The following ATRN variants were observed in gnomAD, a reference collection of about 807,000 sequenced individuals.
ATRN encodes attractin.
A neutral mutation model predicts 178.7 loss-of-function variants in ATRN; 54 were observed. That is an observed-to-expected ratio of 0.30 (90% CI 0.24 to 0.38). ATRN has a LOEUF of 0.38. Among genes scored for constraint, ATRN ranks in the 10% least tolerant of loss-of-function variants. ATRN has a pLI of 1.00. For synonymous variants in ATRN, 636 were observed against 663.0 expected, an observed-to-expected ratio of 0.96 and a Z score of 0.63; for missense variants, 1,443 against 1,815.1, an observed-to-expected ratio of 0.79 and a Z score of 3.73.
At chr20:3,556,265 A>G (rs2085875170) in intron 6 of ATRN, among the ~76,000 whole-genome samples, 1 of 152,222 alleles carries the variant, frequency 6.6e-6, no homozygotes. Flanking sequence ...TGTTTCAGAA[A>G]AATTTTATAG....
At chr20:3,537,732 A>G (rs1168987246) in intron 2 of ATRN, among the ~76,000 whole-genome samples, 2 of 145,986 alleles carry the variant, frequency 1.4e-5, no homozygotes, top group Admixed American at 7.0e-5. Context: ...TCATTGTCCT[A>G]TTCCCACCTA....
chr20:3,495,339 T>G (rs1261335123), intron 1 of ATRN, among the ~76,000 whole-genome samples: 1 of 152,184 alleles, frequency 6.6e-6, no homozygotes, highest in African/African-American at 2.4e-5. Flanking sequence ...GTGGAGCTTT[T>G]AAGGACACCA....
At chr20:3,533,868 G>T (rs566556498) in intron 1 of ATRN, among the ~76,000 whole-genome samples, 27 of 152,214 alleles carry the variant, frequency 1.8e-4, no homozygotes, top group African/African-American at 6.5e-4. Flanking sequence ...GTGTTGGCCA[G>T]CCTGATCTTG....
At chr20:3,560,990 C>T in intron 8 of ATRN, 85 bp downstream of exon 8, 1 of 1,472,612 alleles carries the variant, frequency 6.8e-7, no homozygotes, top group South Asian at 1.2e-5. Context: ...TAGAAAAGTT[C>T]AACCTAATCT....
In ATRN at chr20:3,584,879, A is replaced by G. The variant is rs761425147; in HGVS notation, c.3183A>G (p.Pro1061=). ...SRYNWSFIHC[P]ACQCNGHSKC... is the part of the protein sequence containing the mutation. Reference sequence around the variant, plus strand: ...ACAACTGGTCTTTCATTCACTGTCCAGGTAAGATGCCTTGCATATCCAAAT... The same window carrying G: ...ACAACTGGTCTTTCATTCACTGTCCGGGTAAGATGCCTTGCATATCCAAAT... The change falls in exon 18 of 29, where the codon CCA becomes CCG. Residue 1061 remains proline, a splice_region_variant and synonymous_variant. Transcript: ENST00000262919. 5.0e-6 allele frequency: 8 copies of G among 1,613,160 alleles called. No homozygotes were observed. The East Asian group carries it at 1.8e-4, about 36-fold the overall frequency.
intron 18 of ATRN, among the ~76,000 whole-genome samples, chr20:3,585,733 T>C (rs2086348228): frequency 6.6e-6 from 1 of 152,172 alleles, no homozygotes; most frequent in African/African-American, 2.4e-5. Flanking sequence ...CACGTAACTC[T>C]TAAAACTCAA....
intron 6 of ATRN, 45 bp downstream of exon 6, chr20:3,549,383 T>C: frequency 6.9e-7 from 1 of 1,445,728 alleles, no homozygotes. Flanking sequence ...GTTTTTTATT[T>C]TGAAAATTTA....
intron 4 of ATRN, among the ~76,000 whole-genome samples, chr20:3,546,581 C>G (rs1001350760): frequency 6.6e-6 from 1 of 151,770 alleles, no homozygotes; most frequent in African/African-American, 2.4e-5. Context: ...TTAGTAGAGA[C>G]GGGGTTTCAC....
At chr20:3,607,325 T>C (rs549806873) in intron 24 of ATRN, among the ~76,000 whole-genome samples, 3 of 152,198 alleles carry the variant, frequency 2.0e-5, no homozygotes, top group Non-Finnish European at 4.4e-5. Context: ...TATTGTGCCA[T>C]TGAACACTAG....
chr20:3,597,971 G>A lies in ATRN; in HGVS notation c.3535G>A (p.Ala1179Thr), dbSNP rs777858253. ...CCAGGAAGATGATCGCTATTACACA[G>A]CTATCAATTTTGTGGCTACTCCTGA... ...LSQEDDRYYT[A>T]INFVATPDEQ... The change falls in exon 22 of 29, where the codon GCT (alanine) becomes ACT (threonine). Residue 1179 changes from alanine (A) to threonine (T), a missense_variant. By Grantham distance (58) the Ala-to-Thr change is moderately conservative. Coordinates refer to ENST00000262919, the MANE Select transcript of ATRN (RefSeq NM_139321.3). 3.7e-6 allele frequency: 6 copies of A among 1,611,774 alleles called. No individual in the cohort carries two copies. Among genetic ancestry groups the A allele is most frequent in the South Asian group, 1.1e-5 (1 of 91,004 alleles).
At chr20:3,501,970 A>T (rs1858915596) in intron 1 of ATRN, among the ~76,000 whole-genome samples, 1 of 140,438 alleles carries the variant, frequency 7.1e-6, no homozygotes, top group South Asian at 2.1e-4. Flanking sequence ...ATCAGCTCTT[A>T]CAAAGGCTGA....
intron 25 of ATRN, among the ~76,000 whole-genome samples, chr20:3,628,087 G>A (rs2086958163): frequency 6.6e-6 from 1 of 152,156 alleles, no homozygotes. Context: ...CAGGAGAATG[G>A]CGTGAACCTG....
At chr20:3,589,430 A>AG (rs2086407407) in intron 18 of ATRN, among the ~76,000 whole-genome samples, 1 of 150,392 alleles carries the variant, frequency 6.6e-6, no homozygotes, top group African/African-American at 2.4e-5. Flanking sequence ...AAATATTGTG[A>AG]GGGTTTTTTT....
chr20:3,627,681 T>C (rs1361803106), intron 25 of ATRN, among the ~76,000 whole-genome samples: 1 of 152,218 alleles, frequency 6.6e-6, no homozygotes, highest in African/African-American at 2.4e-5. Context: ...AGAAGGGTAT[T>C]TGATGAACAA....
chr20:3,511,525 G>A (rs1297641523), intron 1 of ATRN, among the ~76,000 whole-genome samples: 1 of 151,958 alleles, frequency 6.6e-6, no homozygotes, highest in Non-Finnish European at 1.5e-5. Flanking sequence ...ATACTCATAG[G>A]AGGTCGAGAA....
At chr20:3,517,081 G>A (rs2085215394) in intron 1 of ATRN, among the ~76,000 whole-genome samples, 1 of 152,136 alleles carries the variant, frequency 6.6e-6, no homozygotes, top group African/African-American at 2.4e-5. Context: ...CACAACGGTT[G>A]AACTAATTTA....
intron 1 of ATRN, among the ~76,000 whole-genome samples, chr20:3,501,490 T>C (rs1047054103): frequency 3.9e-5 from 6 of 152,148 alleles, no homozygotes; most frequent in African/African-American, 1.4e-4. Flanking sequence ...TCCTGGGACA[T>C]CTTTTTATAT....
Position 3,507,248 on chromosome 20 carries a change from A to G in ATRN, c.411-28005A>G, listed in dbSNP as rs554579522. On this transcript the variant is annotated intron_variant, in intron 1 of 28. Transcript: ENST00000262919. ...AGTGAAACCCTGTCTCTACTAAAAA[A>G]TACAAAAAAAATTTAGCCGGGCATG... Among the ~76,000 whole-genome samples, 4 of 152,060 alleles carry G rather than the reference A, an allele frequency of 2.6e-5. No individual in the cohort carries two copies. The East Asian group carries it at 7.8e-4, about 30-fold the overall frequency.
In ATRN at chr20:3,650,141, A is replaced by G. The variant is rs1349350469; in HGVS notation, c.*3294A>G. 3 of 152,208 alleles carry G rather than the reference A, an allele frequency of 2.0e-5. No individual in the cohort carries two copies. Among genetic ancestry groups the G allele is most frequent in the Non-Finnish European group, 2.9e-5 (2 of 68,054 alleles). 9.4% of individuals were successfully genotyped at this position (152,208 alleles called of 1,614,324 possible). ...AAGACTGGAGACACCTGGGAAATAAAAAGAGCAGGGCACTGCTGGTGGGAA... is the reference window on the plus strand; with the variant it reads ...AAGACTGGAGACACCTGGGAAATAAGAAGAGCAGGGCACTGCTGGTGGGAA... On this transcript the variant is annotated 3_prime_UTR_variant, in exon 29 of 29. Transcript: ENST00000262919.
Sources: gnomAD v4.1 joint callset for allele counts (sites outside exome capture counted in the v4.1 genomes callset) on GRCh38, gnomAD v4.1.1 for gene constraint, MANE v1.5 for transcripts, NCBI Gene and HGNC (gene_info 2026-07-23, HGNC 2026-07-21) for gene names.